ENOX1: variants seen among roughly 807,000 people sequenced by gnomAD.
The protein encoded by ENOX1 is ecto-NOX disulfide-thiol exchanger 1.
A neutral mutation model predicts 82.5 loss-of-function variants in ENOX1; 42 were observed. The observed-to-expected ratio is 0.51, with a 90% confidence interval of 0.40 to 0.66. The LOEUF (loss-of-function observed/expected upper bound fraction) is 0.66. Among genes scored for constraint, ENOX1 ranks in the 30% least tolerant of loss-of-function variants. The pLI is 0.00. For synonymous variants in ENOX1, 271 were observed against 282.2 expected (o/e 0.96, Z 0.40); for missense variants, 608 against 811.6 (o/e 0.75, Z 3.05).
chr13:43,390,583 C>A (rs994679960), intron 5 of ENOX1, among the ~76,000 whole-genome samples: 1 of 152,016 alleles, frequency 6.6e-6, no homozygotes, highest in Non-Finnish European at 1.5e-5. Flanking sequence ...AAACCTTTAC[C>A]CAAATCAGGG....
At chr13:43,510,609 C>A (rs1332614529) in intron 2 of ENOX1, among the ~76,000 whole-genome samples, 1 of 152,064 alleles carries the variant, frequency 6.6e-6, no homozygotes, top group African/African-American at 2.4e-5. Context: ...CATTTTGATT[C>A]CTTCTACTGG....
At chr13:43,644,742 T>C (rs1443316506) in intron 2 of ENOX1, among the ~76,000 whole-genome samples, 2 of 152,220 alleles carry the variant, frequency 1.3e-5, no homozygotes, top group South Asian at 4.1e-4. Flanking sequence ...TTTAGTTAAA[T>C]TGCAGAATTA....
intron 5 of ENOX1, among the ~76,000 whole-genome samples, chr13:43,392,878 GAC>G (rs2052881792): frequency 6.6e-6 from 1 of 152,060 alleles, no homozygotes; most frequent in Non-Finnish European, 1.5e-5. Flanking sequence ...TAAAATGAAT[GAC>G]TCTCATTAGA....
At chr13:43,704,802 A>C (rs2087145928) in intron 1 of ENOX1, among the ~76,000 whole-genome samples, 1 of 152,240 alleles carries the variant, frequency 6.6e-6, no homozygotes, top group African/African-American at 2.4e-5. Flanking sequence ...CAGCAGCTGT[A>C]TATTTCAGCT....
chr13:43,748,681 A>G (rs1312736415), intron 1 of ENOX1, among the ~76,000 whole-genome samples: 2 of 152,210 alleles, frequency 1.3e-5, no homozygotes, highest in Non-Finnish European at 2.9e-5. Context: ...TATTAAGAGA[A>G]TTAAATAATA....
At position 43,338,268 on chromosome 13, in the gene ENOX1, T is replaced by C. The variant is rs17632757; in HGVS notation, c.1036+6270A>G. Among the ~76,000 whole-genome samples, 209 of 152,342 alleles carry C rather than the reference T, an allele frequency of 1.4e-3. 4 individuals carry two copies. The East Asian group carries it at 0.025, about 18-fold the overall frequency. ...GCTTTGAAATGACAAGCTTTGTTCATAACTGAGAAACTGAAAGTGGGCAGG... is the reference window on the plus strand; with the variant it reads ...GCTTTGAAATGACAAGCTTTGTTCACAACTGAGAAACTGAAAGTGGGCAGG... On this transcript the variant is annotated intron_variant, in intron 9 of 16. Coordinates refer to ENST00000690772, the MANE Select transcript of ENOX1 (RefSeq NM_001347969.2).
chr13:43,468,946 T>C (rs1195008347), intron 3 of ENOX1, among the ~76,000 whole-genome samples: 1 of 152,212 alleles, frequency 6.6e-6, no homozygotes, highest in Non-Finnish European at 1.5e-5. Context: ...TCTTTGTATA[T>C]TGATTTTATA....
At chr13:43,444,596 T>G (rs1339421946) in intron 3 of ENOX1, among the ~76,000 whole-genome samples, 4 of 152,244 alleles carry the variant, frequency 2.6e-5, no homozygotes, top group Non-Finnish European at 5.9e-5. Flanking sequence ...AGTGCCTAAC[T>G]AAACCAGAAT....
In ENOX1 at chr13:43,311,906, C is replaced by T. The variant is rs966243481; in HGVS notation, c.1261+10478G>A. Among the ~76,000 whole-genome samples the T allele has an allele frequency of 3.3e-5, 5 of 152,092 alleles. No homozygotes were observed. In the South Asian group the frequency reaches 6.2e-4, roughly 19 times the overall value. On this transcript the variant is annotated intron_variant, in intron 11 of 16. Transcript: ENST00000690772. ...GAGAAATGGATGGCTTTAGGAGGCT[C>T]GGTAGATAAACTACACTAGAAAAGT...
intron 16 of ENOX1, among the ~76,000 whole-genome samples, chr13:43,218,577 G>A (rs1478912879): frequency 1.3e-5 from 2 of 152,164 alleles, no homozygotes; most frequent in Non-Finnish European, 2.9e-5. Flanking sequence ...AGTGAGCTGT[G>A]ATTGCTCCAC....
intron 2 of ENOX1, among the ~76,000 whole-genome samples, chr13:43,583,025 A>G (rs1234220303): frequency 1.3e-5 from 2 of 152,162 alleles, no homozygotes; most frequent in Non-Finnish European, 2.9e-5. Flanking sequence ...ACGCACGCAC[A>G]CACACAGCCT....
chr13:43,264,884 A>T (rs1051085792), intron 14 of ENOX1, among the ~76,000 whole-genome samples: 4 of 152,236 alleles, frequency 2.6e-5, no homozygotes, highest in Non-Finnish European at 5.9e-5. Flanking sequence ...GTACCATCAC[A>T]CATTATTCTT....
chr13:43,603,373 TTTTA>T (rs146490762), intron 2 of ENOX1, among the ~76,000 whole-genome samples: 62,971 of 149,354 alleles, frequency 0.42, 15,779 homozygotes, highest in East Asian at 0.79. Flanking sequence ...CTTTTATTTA[TTTTA>T]TTTATTTATT....
chr13:43,370,500 C>T (rs1001932614), intron 5 of ENOX1, among the ~76,000 whole-genome samples: 4 of 152,170 alleles, frequency 2.6e-5, no homozygotes, highest in South Asian at 2.1e-4. Flanking sequence ...ACAGGGTTAC[C>T]GTCAATTCCT....
chr13:43,369,257 A>G (rs1013942670), intron 5 of ENOX1, among the ~76,000 whole-genome samples: 1 of 152,166 alleles, frequency 6.6e-6, no homozygotes, highest in Non-Finnish European at 1.5e-5. Context: ...CAGTCCTTCC[A>G]TGAACTAAAA....
At chr13:43,534,060 C>T (rs933174452) in intron 2 of ENOX1, among the ~76,000 whole-genome samples, 2 of 152,100 alleles carry the variant, frequency 1.3e-5, no homozygotes, top group African/African-American at 4.8e-5. Context: ...AATTTGTCCT[C>T]CAAAAATTTG....
chr13:43,336,476 A>G (rs61950475), intron 9 of ENOX1, among the ~76,000 whole-genome samples: 10,749 of 152,320 alleles, frequency 0.071, 494 homozygotes, highest in Middle Eastern at 0.16. Flanking sequence ...GTCTTTGACA[A>G]TAATTCTGAC....
At chr13:43,686,084 A>G (rs1181678170) in intron 1 of ENOX1, among the ~76,000 whole-genome samples, 1 of 152,210 alleles carries the variant, frequency 6.6e-6, no homozygotes, top group African/African-American at 2.4e-5. Context: ...TTCTAAACAA[A>G]GAAGAAACAA....
chr13:43,731,818 C>T (rs2089365800), intron 1 of ENOX1, among the ~76,000 whole-genome samples: 1 of 152,140 alleles, frequency 6.6e-6, no homozygotes, highest in South Asian at 2.1e-4. Context: ...AATATTTTAG[C>T]AAAACATCAC....
Sources: allele counts gnomAD v4.1 joint callset (sites outside exome capture counted in the v4.1 genomes callset), GRCh38; gene constraint gnomAD v4.1.1; transcripts MANE v1.5; gene names NCBI Gene and HGNC (gene_info 2026-07-23, HGNC 2026-07-21).